The following DLG2 variants were observed in gnomAD, a reference collection of about 807,000 sequenced individuals.
The protein encoded by DLG2 is disks large homolog 2.
DLG2 carries 45 observed loss-of-function variants against 132.5 expected under a neutral mutation model. The ratio of observed to expected loss-of-function variants is 0.34; its 90% CI spans 0.27 to 0.44. The LOEUF (loss-of-function observed/expected upper bound fraction) is 0.44. Among genes scored for constraint, DLG2 ranks in the 20% least tolerant of loss-of-function variants. DLG2 has a pLI of 1.00. For synonymous variants in DLG2, 424 were observed against 419.6 expected (o/e 1.01, Z -0.13); for missense variants, 1,045 against 1,196.9 (o/e 0.87, Z 1.87).
chr11:83,772,022 G>C (rs2094414590), intron 18 of DLG2, among the ~76,000 whole-genome samples: 1 of 151,996 alleles, frequency 6.6e-6, no homozygotes, highest in South Asian at 2.1e-4. Flanking sequence ...AATCACACCA[G>C]TTAATGAAGT....
At position 83,467,873 on chromosome 11, in the gene DLG2, C is replaced by T. The variant is rs1315641343; in HGVS notation, c.2620-1056G>A. Among the ~76,000 whole-genome samples, 4 of 130,988 alleles carry T rather than the reference C, an allele frequency of 3.1e-5. No homozygotes were observed. In the East Asian group the frequency reaches 6.8e-4, roughly 22 times the overall value. 85.9% of individuals were successfully genotyped at this position (130,988 alleles called of 152,430 possible). A position where few individuals can be genotyped will look rare whatever the true frequency, so the allele number is the denominator to read the frequency against. ...TATATATATATATATAAATTAAATG[C>T]GGGTTAAATGCCAAGAGAGAAAGGC... On this transcript the variant is annotated intron_variant, in intron 25 of 27. Transcript: ENST00000376104.
chr11:83,597,724 G>A (rs994650305), intron 19 of DLG2, among the ~76,000 whole-genome samples: 2 of 152,070 alleles, frequency 1.3e-5, no homozygotes, highest in African/African-American at 4.8e-5. Flanking sequence ...GGCGGAGGCT[G>A]CAGTGAGCTG....
At chr11:84,655,032 TTC>T (rs2099686514) in intron 6 of DLG2, among the ~76,000 whole-genome samples, 1 of 152,216 alleles carries the variant, frequency 6.6e-6, no homozygotes, top group Admixed American at 6.5e-5. Context: ...ATTTCTGAAT[TTC>T]TGTTTCTCTT....
At position 83,962,978 on chromosome 11, in the gene DLG2, C is replaced by T. The variant is rs755173300; in HGVS notation, c.1247G>A (p.Gly416Asp). The T allele has an allele frequency of 1.9e-6, 3 of 1,612,790 alleles. No individual in the cohort carries two copies. Among genetic ancestry groups the T allele is most frequent in the African/African-American group, 1.3e-5 (1 of 74,840 alleles). Residue 416 changes from glycine (G) to aspartate (D), a missense_variant, in exon 14 of 28, where the codon GGC (glycine) becomes GAC (aspartate). Around this residue, in one of 4 missense-constraint regions of DLG2, gnomAD observed 261 missense variants for 256.1 expected, o/e 1.02. Transcript: ENST00000376104. ...CAGGGAGGTTTTATATTCTAAAGTG[C>T]CATTGTTGCCAGAGAGTAGATGGTT... ...MENHLLSGNN[G>D]TLEYKTSLPP...
intron 6 of DLG2, among the ~76,000 whole-genome samples, chr11:84,931,703 G>A (rs2048110213): frequency 6.6e-6 from 1 of 152,182 alleles, no homozygotes; most frequent in Non-Finnish European, 1.5e-5. Flanking sequence ...TTCCAATATG[G>A]TTGAACTAAT....
At chr11:84,970,075 C>T (rs1244091480) in intron 6 of DLG2, among the ~76,000 whole-genome samples, 3 of 151,960 alleles carry the variant, frequency 2.0e-5, no homozygotes, top group Non-Finnish European at 2.9e-5. Context: ...TAGATGATAG[C>T]TTGATGGGTG....
chr11:85,142,125 T>C (rs373847055), intron 5 of DLG2, among the ~76,000 whole-genome samples: 131 of 151,888 alleles, frequency 8.6e-4, no homozygotes, highest in Non-Finnish European at 1.8e-3. Context: ...GGGATTTCAC[T>C]GAACGTGTAG....
chr11:83,909,980 T>C (rs1452209196), intron 15 of DLG2, among the ~76,000 whole-genome samples: 1 of 152,186 alleles, frequency 6.6e-6, no homozygotes, highest in Non-Finnish European at 1.5e-5. Context: ...AAATTTGCTA[T>C]CTGAAGATGT....
In DLG2 at chr11:83,469,380, A is replaced by AAAAC; in HGVS notation, c.2447-11_2447-8dup. The AAAAC allele has an allele frequency of 1.2e-6, 2 of 1,601,682 alleles. No individual in the cohort carries two copies. The highest frequency in any genetic ancestry group is 1.7e-6 in the Non-Finnish European group (2 of 1,175,354). Reference sequence around the variant, plus strand: ...CGCTTTGGCCTCGTAGTATCTTTATAAAACAAAAAATGATAAAATTAAGGT... The same window carrying AAAAC: ...CGCTTTGGCCTCGTAGTATCTTTATAAAACAAACAAAAAATGATAAAATTAAGGT... On this transcript the variant is annotated splice_region_variant and splice_polypyrimidine_tract_variant and intron_variant, in intron 24 of 27. Transcript: ENST00000376104.
chr11:84,464,826 A>G (rs1249450749), intron 7 of DLG2, among the ~76,000 whole-genome samples: 1 of 151,182 alleles, frequency 6.6e-6, no homozygotes, highest in African/African-American at 2.4e-5. Context: ...ACATACAAAT[A>G]TGTAGTAATT....
At chr11:85,150,810 G>A (rs2077201862) in intron 5 of DLG2, among the ~76,000 whole-genome samples, 1 of 151,018 alleles carries the variant, frequency 6.6e-6, no homozygotes, top group Non-Finnish European at 1.5e-5. Flanking sequence ...CACCACTTGA[G>A]TATTGCAAAT....
intron 7 of DLG2, among the ~76,000 whole-genome samples, chr11:84,445,774 G>C (rs903256156): frequency 4.0e-5 from 6 of 151,800 alleles, no homozygotes; most frequent in Non-Finnish European, 1.5e-5. Flanking sequence ...AAATTAGCCG[G>C]GTGTGGTAGC....
chr11:83,792,641 G>C (rs2041879181), intron 17 of DLG2, among the ~76,000 whole-genome samples: 1 of 151,914 alleles, frequency 6.6e-6, no homozygotes, highest in South Asian at 2.1e-4. Context: ...ATATACCTTA[G>C]TCAGCTTTCT....
At chr11:84,191,741 A>T (rs1421100909) in intron 8 of DLG2, among the ~76,000 whole-genome samples, 2 of 152,214 alleles carry the variant, frequency 1.3e-5, no homozygotes, top group African/African-American at 4.8e-5. Context: ...TTAATAAATA[A>T]TCATTGACAA....
rs1281921108 is a variant in DLG2, at chr11:84,844,129, GTGTGTGTATATATATATATATATA to G, written c.357+267508_357+267531del. ...TTTGTGTGTGTGTGTGTGTGTGTGT[GTGTGTGTATATATATATATATATA>G]TATATATATATATATATATGTATCT... On this transcript the variant is annotated intron_variant, in intron 6 of 27. Transcript: ENST00000376104. 6.5e-3 allele frequency among the ~76,000 whole-genome samples: 169 copies of G among 25,950 alleles called. 1 individual carries two copies. Among genetic ancestry groups the G allele is most frequent in the African/African-American group, 0.018 (159 of 9,042 alleles). 17.0% of individuals were successfully genotyped at this position (25,950 alleles called of 152,430 possible). A position where few individuals can be genotyped will look rare whatever the true frequency, so the allele number is the denominator to read the frequency against.
At chr11:84,386,763 A>T (rs958322192) in intron 7 of DLG2, among the ~76,000 whole-genome samples, 1 of 152,056 alleles carries the variant, frequency 6.6e-6, no homozygotes, top group African/African-American at 2.4e-5. Flanking sequence ...GGTCAAATAG[A>T]TTTTTTTCCT....
intron 7 of DLG2, among the ~76,000 whole-genome samples, chr11:84,526,920 A>G (rs1260206099): frequency 1.3e-5 from 2 of 151,972 alleles, no homozygotes; most frequent in Non-Finnish European, 2.9e-5. Flanking sequence ...CTGGGACTAC[A>G]GGCATCCGCC....
At chr11:84,280,686 A>G (rs1411361197) in intron 7 of DLG2, among the ~76,000 whole-genome samples, 1 of 113,152 alleles carries the variant, frequency 8.8e-6, no homozygotes, top group Non-Finnish European at 2.0e-5. Context: ...ACATCTATAA[A>G]TAACTGTTTT....
intron 7 of DLG2, among the ~76,000 whole-genome samples, chr11:84,281,206 A>G (rs1056601131): frequency 1.7e-4 from 26 of 152,190 alleles, no homozygotes; most frequent in Admixed American, 6.5e-5. Flanking sequence ...TAAAGCATCT[A>G]AAGAAAAACA....
Sources: allele counts gnomAD v4.1 joint callset (sites outside exome capture counted in the v4.1 genomes callset), GRCh38; gene constraint gnomAD v4.1.1; regional missense constraint gnomAD v4.1.1; transcripts MANE v1.5; gene names NCBI Gene and HGNC (gene_info 2026-07-23, HGNC 2026-07-21).